Variants in CACNB1 observed in about 807,000 individuals in gnomAD.
The protein encoded by CACNB1 is calcium voltage-gated channel auxiliary subunit beta 1.
A neutral mutation model predicts 71.6 loss-of-function variants in CACNB1; 29 were observed. The ratio of observed to expected loss-of-function variants is 0.40; its 90% CI spans 0.30 to 0.55. The LOEUF is 0.55. Among genes scored for constraint, CACNB1 ranks in the 20% least tolerant of loss-of-function variants. The pLI, the probability that CACNB1 is intolerant of heterozygous loss-of-function variation, is 0.38. For synonymous variants in CACNB1, 300 were observed against 319.6 expected (o/e 0.94, Z 0.65); for missense variants, 623 against 801.8 (o/e 0.78, Z 2.69).
Position 39,175,095 on chromosome 17 carries a change from G to T in CACNB1, c.*98C>A. ...AAAGGCATCTGAAAGGAGGGAGACA[G>T]CGCCCCCTGGAGGCGAATACATGTC... is the stretch of plus-strand genomic sequence containing the variant. On this transcript the variant is annotated 3_prime_UTR_variant, in exon 14 of 14. Coordinates refer to ENST00000394303, the MANE Select transcript of CACNB1 (RefSeq NM_000723.5). The surrounding 1 kb of genome is among the most constrained non-coding windows in gnomAD (Gnocchi z 4.7). 2.0e-6 allele frequency: 2 copies of T among 997,916 alleles called. No individual in the cohort carries two copies. The highest frequency in any genetic ancestry group is 1.5e-6 in the Non-Finnish European group (1 of 663,816). 61.8% of individuals were successfully genotyped at this position (997,916 alleles called of 1,614,324 possible). A position where few individuals can be genotyped will look rare whatever the true frequency, so the allele number is the denominator to read the frequency against.
chr17:39,185,816 C>A, intron 6 of CACNB1: 2 of 935,250 alleles, frequency 2.1e-6, no homozygotes, highest in Non-Finnish European at 3.2e-6. Context: ...CTACCCTTCC[C>A]TCCACCTCAG....
intron 3 of CACNB1, among the ~76,000 whole-genome samples, chr17:39,190,291 T>C (rs1444743701): frequency 6.6e-6 from 1 of 152,108 alleles, no homozygotes; most frequent in East Asian, 1.9e-4. Flanking sequence ...TGTGGTGGTA[T>C]GCCTCTATAG....
In CACNB1 at chr17:39,175,132, C is replaced by G. The variant is rs962745503; in HGVS notation, c.*61G>C. On this transcript the variant is annotated 3_prime_UTR_variant, in exon 14 of 14. Transcript: ENST00000394303. The surrounding 1 kb of genome is among the most constrained non-coding windows in gnomAD (Gnocchi z 4.7). ...GGCGAATACATGTCAGGTGTGAGCC[C>G]CTCGCTCCCTCCCCTCCCCTGGGCT... The G allele has an allele frequency of 4.4e-6, 6 of 1,367,060 alleles. No individual in the cohort carries two copies. The African/African-American group carries it at 7.2e-5, about 16-fold the overall frequency. The allele number at this position is 1,367,060 out of a possible 1,614,324, so 84.7% of individuals were successfully genotyped here.
At chr17:39,180,320 A>G (rs762865000) in intron 11 of CACNB1, among the ~76,000 whole-genome samples, 5 of 151,872 alleles carry the variant, frequency 3.3e-5, no homozygotes, top group Non-Finnish European at 5.9e-5. Flanking sequence ...GAATTTTACA[A>G]TTGCATCATG....
At chr17:39,179,280 CAAAAAA>C (rs35292368) in intron 11 of CACNB1, among the ~76,000 whole-genome samples, 4 of 48,652 alleles carry the variant, frequency 8.2e-5, no homozygotes, top group East Asian at 1.2e-3. Context: ...GACTCCGTCT[CAAAAAA>C]AAAAAAAAAA....
chr17:39,175,040 GTAACACCAAA>G lies in CACNB1; in HGVS notation c.*143_*152del, dbSNP rs769517585. ...TAAGGGCCTCCCGGGAGCTGGGATGGTAACACCAAAGAAACCCCAAGCTTTGAGCAAAGGC... is the reference window on the plus strand; with the variant it reads ...TAAGGGCCTCCCGGGAGCTGGGATGGGAAACCCCAAGCTTTGAGCAAAGGC... On this transcript the variant is annotated 3_prime_UTR_variant, in exon 14 of 14. Coordinates refer to ENST00000394303, the MANE Select transcript of CACNB1 (RefSeq NM_000723.5). The surrounding 1 kb of genome is among the most constrained non-coding windows in gnomAD (Gnocchi z 4.7). 22 of 681,838 alleles carry G rather than the reference GTAACACCAAA, an allele frequency of 3.2e-5. No homozygotes were observed. The highest frequency in any genetic ancestry group is 1.4e-4 in the Admixed American group (5 of 34,788). The allele number at this position is 681,838 out of a possible 1,614,324, so 42.2% of individuals were successfully genotyped here.
At position 39,186,827 on chromosome 17, in the gene CACNB1, C is replaced by G. The variant is rs757916767; in HGVS notation, c.517G>C (p.Glu173Gln). Reference protein sequence around the residue: ...VKLDSLRLLQEQKLRQNRLGS... With the variant: ...VKLDSLRLLQQQKLRQNRLGS... ...AGGCGGTTCTGGCGCAGCTTCTGTT[C>G]CTGCAGCAGGCGAAGGCTGTCCAGT... Residue 173 changes from glutamate (E) to glutamine (Q), a missense_variant, in exon 5 of 14, where the codon GAA (glutamate) becomes CAA (glutamine). Physicochemically the swap from Glu to Gln is conservative, Grantham distance 29 (BLOSUM62 2). Coordinates refer to ENST00000394303, the MANE Select transcript of CACNB1 (RefSeq NM_000723.5). The surrounding 1 kb of genome is among the most constrained non-coding windows in gnomAD (Gnocchi z 4.1). 1 of 1,614,064 alleles carries G rather than the reference C, an allele frequency of 6.2e-7. No homozygotes were observed. Among genetic ancestry groups the G allele is most frequent in the Non-Finnish European group, 8.5e-7 (1 of 1,179,980 alleles).
At chr17:39,182,457 T>G (rs2045796111) in intron 11 of CACNB1, among the ~76,000 whole-genome samples, 2 of 151,944 alleles carry the variant, frequency 1.3e-5, no homozygotes, top group African/African-American at 4.8e-5. Context: ...TCCCAGCACT[T>G]TGGGAGGCCG....
chr17:39,178,351 T>C, intron 11 of CACNB1: 1 of 312,060 alleles, frequency 3.2e-6, no homozygotes, highest in East Asian at 6.1e-5. Flanking sequence ...TTCTCTAACA[T>C]TGTTTGTAGG....
chr17:39,182,779 C>A (rs955041048), intron 11 of CACNB1: 3 of 154,350 alleles, frequency 1.9e-5, no homozygotes, highest in African/African-American at 7.2e-5. Flanking sequence ...TTACAGCAAT[C>A]CTCTCAACAA....
At chr17:39,195,092 C>A in intron 1 of CACNB1, 122 bp from the exon 2 acceptor site, 1 of 653,828 alleles carries the variant, frequency 1.5e-6, no homozygotes, top group South Asian at 1.8e-5. Flanking sequence ...CCTCCACCCC[C>A]CTGCACATTC....
rs370744433 is a variant in CACNB1 at position 39,194,374 on chromosome 17, C to T, written c.171+510G>A. ...AGCCTCATGCCTCAACCACCCCCAC[C>T]CCCGTCACCATCACCCTTTCTCTGT... On this transcript the variant is annotated intron_variant, in intron 2 of 13. Coordinates refer to ENST00000394303, the MANE Select transcript of CACNB1 (RefSeq NM_000723.5). The surrounding 1 kb of genome is among the most constrained non-coding windows in gnomAD (Gnocchi z 4.6). Among the ~76,000 whole-genome samples the T allele has an allele frequency of 6.6e-6, 1 of 152,124 alleles. No individual in the cohort carries two copies.
rs757232778 is a variant in CACNB1, at chr17:39,183,871, G to T, written c.899-7C>A. 1 of 1,611,206 alleles carries T rather than the reference G, an allele frequency of 6.2e-7. No individual in the cohort carries two copies. Among genetic ancestry groups the T allele is most frequent in the Non-Finnish European group, 8.5e-7 (1 of 1,177,838 alleles). On this transcript the variant is annotated splice_polypyrimidine_tract_variant and splice_region_variant and intron_variant, in intron 10 of 13. Coordinates refer to ENST00000394303, the MANE Select transcript of CACNB1 (RefSeq NM_000723.5). ...ATTTCACTCTGCACCTCAGCTGGGG[G>T]CATGGAGTCATGTGGATGGGGGAAT...
Position 39,184,846 on chromosome 17 carries a change from A to G in CACNB1, c.667T>C (p.Tyr223His). Residue 223 changes from tyrosine (Y) to histidine (H), a missense_variant, in exon 8 of 14, where the codon TAT becomes CAT. Transcript: ENST00000394303. ...GGCCTCATGGAAGGCACCACGTCAT[A>G]GGGGGGCACATGCTCTGTCTGGGGG... is the stretch of plus-strand genomic sequence containing the variant. ...KQKSTEHVPPYDVVPSMRPII... is the reference protein window; with the variant it reads ...KQKSTEHVPPHDVVPSMRPII... 6.5e-7 allele frequency: 1 copy of G among 1,544,198 alleles called. No individual in the cohort carries two copies. Among genetic ancestry groups the G allele is most frequent in the Non-Finnish European group, 8.9e-7 (1 of 1,118,624 alleles).
At chr17:39,184,449 G>A (rs2144126960) in intron 8 of CACNB1, 66 bp from the exon 9 acceptor site, 4 of 891,284 alleles carry the variant, frequency 4.5e-6, no homozygotes, top group South Asian at 4.2e-5. Flanking sequence ...CTCAGACTCT[G>A]AGTCGCTGGG....
intron 12 of CACNB1, 81 bp downstream of exon 12, chr17:39,177,903 T>C (rs1018981306): frequency 9.8e-6 from 11 of 1,122,812 alleles, no homozygotes; most frequent in African/African-American, 1.5e-5. Context: ...CTGGTCACCC[T>C]GTCTCTCATG....
At chr17:39,192,910 G>C (rs563934359) in intron 2 of CACNB1, 1 of 152,786 alleles carries the variant, frequency 6.5e-6, no homozygotes, top group South Asian at 2.0e-4. Flanking sequence ...GGGGAAAGAG[G>C]CATGAAGGAG....
At position 39,174,902 on chromosome 17, in the gene CACNB1, T is replaced by C; in HGVS notation, c.*291A>G. The C allele has an allele frequency of 2.4e-6, 1 of 420,002 alleles. No homozygotes were observed. 26.0% of individuals were successfully genotyped at this position (420,002 alleles called of 1,614,324 possible). A position where few individuals can be genotyped will look rare whatever the true frequency, so the allele number is the denominator to read the frequency against. ...AAGAGTTAAGGAAGTGCACCTTTTC[T>C]CTAGGAGGGTGAGGGAGGAGAGCCC... On this transcript the variant is annotated 3_prime_UTR_variant, in exon 14 of 14. Transcript: ENST00000394303.
Position 39,183,784 on chromosome 17 carries a change from T to C in CACNB1, c.979A>G (p.Asn327Asp). ...QLVALDADTI[N>D]HPAQLSKTSL... ...GTCTTGGACAGCTGGGCTGGGTGAT[T>C]GATGGTGTCAGCATCCAGAGCGACC... is the stretch of plus-strand genomic sequence containing the variant. Residue 327 changes from asparagine (N) to aspartate (D), a missense_variant, in exon 11 of 14, where the codon AAT becomes GAT. Asn to Asp is a conservative substitution (Grantham distance 23). Coordinates refer to ENST00000394303, the MANE Select transcript of CACNB1 (RefSeq NM_000723.5). The C allele has an allele frequency of 6.2e-7, 1 of 1,613,956 alleles. No individual in the cohort carries two copies. The highest frequency in any genetic ancestry group is 8.5e-7 in the Non-Finnish European group (1 of 1,179,938).
Sources: allele counts gnomAD v4.1 joint callset (sites outside exome capture counted in the v4.1 genomes callset), GRCh38; gene constraint gnomAD v4.1.1; non-coding constraint Gnocchi (gnomAD v3.1); transcripts MANE v1.5; gene names NCBI Gene and HGNC (gene_info 2026-07-23, HGNC 2026-07-21).